Variants in NEO1 observed in about 807,000 individuals in gnomAD.
NEO1 encodes the protein neogenin 1.
Under a neutral mutation model 159.7 loss-of-function variants are expected in NEO1, and 63 were observed. The ratio of observed to expected loss-of-function variants is 0.39; its 90% CI spans 0.32 to 0.49. NEO1 has a LOEUF of 0.49. Ranked by LOEUF, NEO1 falls within the 20% of genes least tolerant of loss-of-function variation. NEO1 has a pLI of 0.85. For synonymous variants in NEO1, 633 were observed against 662.0 expected (o/e 0.96, Z 0.67); for missense variants, 1,615 against 1,831.0 (o/e 0.88, Z 2.15).
chr15:73,251,624 A>T (rs2040076359), intron 11 of NEO1, among the ~76,000 whole-genome samples: 1 of 152,148 alleles, frequency 6.6e-6, no homozygotes, highest in Non-Finnish European at 1.5e-5. Context: ...GGGAAAAGTT[A>T]AGGGAAAAAA....
chr15:73,299,716 G>C (rs2042539176), intron 27 of NEO1, among the ~76,000 whole-genome samples: 1 of 152,252 alleles, frequency 6.6e-6, no homozygotes, highest in African/African-American at 2.4e-5. Flanking sequence ...CAAAAATATA[G>C]TGAGAAGAGT....
At chr15:73,147,144 A>G (rs2032967213) in intron 5 of NEO1, among the ~76,000 whole-genome samples, 1 of 152,202 alleles carries the variant, frequency 6.6e-6, no homozygotes, top group Non-Finnish European at 1.5e-5. Flanking sequence ...TTTGTAAAGT[A>G]GGGATAAGAG....
rs778240415 is a variant in NEO1 at position 73,236,466 on chromosome 15, C to G, written c.1411C>G (p.Leu471Val). Residue 471 changes from leucine (L) to valine (V), a missense_variant, in exon 8 of 29, where the codon CTT becomes GTT. By Grantham distance (32) the Leu-to-Val change is conservative. This residue lies in a region of NEO1 where 1,018 missense variants were observed against 1,115.4 expected (regional missense o/e 0.91). Coordinates refer to ENST00000261908, the MANE Select transcript of NEO1 (RefSeq NM_002499.4). ...TPASDPHGDN[L>V]TYSVFYTKEG... The stretch of plus-strand genomic sequence containing the variant: ...TGCATCAGATCCTCACGGAGACAAC[C>G]TTACCTACTCTGTGTTCTACACCAA... 5 of 1,614,106 alleles carry G rather than the reference C, an allele frequency of 3.1e-6. No individual in the cohort carries two copies. In the East Asian group the frequency reaches 1.1e-4, roughly 36 times the overall value.
chr15:73,153,682 A>G (rs971361454), intron 5 of NEO1, among the ~76,000 whole-genome samples: 10 of 152,230 alleles, frequency 6.6e-5, no homozygotes, highest in African/African-American at 2.4e-4. Context: ...AATGTAAATA[A>G]TGCTTTATAT....
intron 1 of NEO1, among the ~76,000 whole-genome samples, chr15:73,071,185 A>G (rs1461993931): frequency 6.6e-6 from 1 of 151,738 alleles, no homozygotes; most frequent in Admixed American, 6.6e-5. Flanking sequence ...TGGCCTCAAG[A>G]GATCTTCCTG....
chr15:73,247,445 T>C (rs1002923777), intron 9 of NEO1, among the ~76,000 whole-genome samples: 15 of 152,184 alleles, frequency 9.9e-5, no homozygotes, highest in African/African-American at 3.4e-4. Context: ...TTCTTCTCCT[T>C]TAATAAGTTA....
At chr15:73,253,475 AT>A in intron 12 of NEO1, 26 bp downstream of exon 12, 2 of 1,557,870 alleles carry the variant, frequency 1.3e-6, no homozygotes, top group Non-Finnish European at 1.7e-6. Context: ...GCTGCTGTTC[AT>A]TTTTACTGGT....
chr15:73,103,881 G>T (rs1460797946), intron 1 of NEO1, among the ~76,000 whole-genome samples: 2 of 152,102 alleles, frequency 1.3e-5, no homozygotes, highest in South Asian at 2.1e-4. Context: ...TTGAGATGGG[G>T]TCTCACTCTG....
At chr15:73,161,667 A>G (rs1353994180) in intron 5 of NEO1, 1 of 161,738 alleles carries the variant, frequency 6.2e-6, no homozygotes, top group East Asian at 1.9e-4. Context: ...TATCAAACAT[A>G]TTAGGGAAAG....
intron 7 of NEO1, among the ~76,000 whole-genome samples, chr15:73,231,890 A>AGC (rs565162300): frequency 9.9e-4 from 151 of 152,312 alleles, no homozygotes; most frequent in African/African-American, 3.4e-3. Context: ...TGAATCAGTA[A>AGC]TAAGCTAACT....
At chr15:73,128,108 C>T (rs1303900976) in intron 4 of NEO1, among the ~76,000 whole-genome samples, 2 of 152,102 alleles carry the variant, frequency 1.3e-5, no homozygotes, top group Non-Finnish European at 2.9e-5. Flanking sequence ...GGCATCCTCC[C>T]CAATATCACC....
Position 73,062,289 on chromosome 15 carries a change from T to C in NEO1, c.130+9484T>C, listed in dbSNP as rs531020575. On this transcript the variant is annotated intron_variant, in intron 1 of 28. Coordinates refer to ENST00000261908, the MANE Select transcript of NEO1 (RefSeq NM_002499.4). Reference sequence around the variant, plus strand: ...AGTTGAGCATCTTTTCAGATTTTTATTGATGGTTTATATTGTTTCTGAGAA... The same window carrying C: ...AGTTGAGCATCTTTTCAGATTTTTACTGATGGTTTATATTGTTTCTGAGAA... 9.1e-4 allele frequency among the ~76,000 whole-genome samples: 138 copies of C among 152,380 alleles called. 1 individual carries two copies. Among genetic ancestry groups the C allele is most frequent in the African/African-American group, 3.2e-3 (134 of 41,594 alleles).
intron 5 of NEO1, among the ~76,000 whole-genome samples, chr15:73,138,489 G>T (rs533112759): frequency 6.6e-6 from 1 of 151,416 alleles, no homozygotes; most frequent in Admixed American, 6.6e-5. Flanking sequence ...GGGCGCGGTG[G>T]CTCGCGCCTG....
At chr15:73,080,334 A>G (rs772504176) in intron 1 of NEO1, among the ~76,000 whole-genome samples, 1 of 152,156 alleles carries the variant, frequency 6.6e-6, no homozygotes, top group Non-Finnish European at 1.5e-5. Context: ...TTATTTAACA[A>G]ACAGAGTTTA....
At chr15:73,273,023 C>G (rs930121309) in intron 19 of NEO1, among the ~76,000 whole-genome samples, 41 of 150,664 alleles carry the variant, frequency 2.7e-4, no homozygotes, top group Non-Finnish European at 3.4e-4. Context: ...CACTGCCCCC[C>G]GAGACCTGCT....
At chr15:73,253,321 G>A in intron 11 of NEO1, 79 bp from the exon 12 acceptor site, 2 of 804,844 alleles carry the variant, frequency 2.5e-6, no homozygotes, top group Non-Finnish European at 3.8e-6. Context: ...TTTGTTTAAA[G>A]TCCAGCCAAG....
chr15:73,072,283 G>A (rs936233399), intron 1 of NEO1, among the ~76,000 whole-genome samples: 1 of 151,710 alleles, frequency 6.6e-6, no homozygotes, highest in Non-Finnish European at 1.5e-5. Context: ...ACTGTGAAAT[G>A]TCATTAGAAT....
intron 1 of NEO1, among the ~76,000 whole-genome samples, chr15:73,096,620 A>G (rs536901001): frequency 2.6e-5 from 4 of 152,312 alleles, no homozygotes; most frequent in Non-Finnish European, 5.9e-5. Flanking sequence ...CCAAAATTTT[A>G]GCAGAAAATT....
rs535215304 is a variant in NEO1 at position 73,229,208 on chromosome 15, AT to A, written c.1292-7133del. ...TAATTTCTCTCTGCAATGTGTTGTA[AT>A]TTTTTCTTTGTACCAGTCTTACACT... is the stretch of plus-strand genomic sequence containing the variant. On this transcript the variant is annotated intron_variant, in intron 7 of 28. Transcript: ENST00000261908. Among the ~76,000 whole-genome samples, 17 of 151,842 alleles carry A rather than the reference AT, an allele frequency of 1.1e-4. No individual in the cohort carries two copies. In the South Asian group the frequency reaches 3.5e-3, roughly 32 times the overall value.
Sources: gnomAD v4.1 joint callset for allele counts (sites outside exome capture counted in the v4.1 genomes callset) on GRCh38, gnomAD v4.1.1 for gene constraint, gnomAD v4.1.1 regional missense constraint, MANE v1.5 for transcripts, NCBI Gene and HGNC (gene_info 2026-07-23, HGNC 2026-07-21) for gene names.